The following RUFY2 variants were observed in gnomAD, a reference collection of about 807,000 sequenced individuals.
RUFY2 encodes RUN and FYVE domain containing 2, also known as RUN and FYVE domain-containing protein 2.
RUFY2 carries 49 observed loss-of-function variants against 94.4 expected under a neutral mutation model. The ratio of observed to expected loss-of-function variants is 0.52; its 90% CI spans 0.41 to 0.66. The LOEUF is 0.66. RUFY2 is among the 30% of genes least tolerant of loss of function. RUFY2 has a pLI of 0.00. For missense variants in RUFY2, 541 were observed against 692.8 expected (o/e 0.78, Z 2.46); for synonymous variants, 255 against 235.7 (o/e 1.08, Z -0.75).
At chr10:68,352,885 A>G (rs2046783247) in intron 16 of RUFY2, among the ~76,000 whole-genome samples, 1 of 151,732 alleles carries the variant, frequency 6.6e-6, no homozygotes, top group East Asian at 1.9e-4. Flanking sequence ...GTGCCACTAC[A>G]CTTCAGCCTG....
In RUFY2 at chr10:68,365,771, T is replaced by A. The variant is rs76356711; in HGVS notation, c.1326-1658A>T. On this transcript the variant is annotated intron_variant, in intron 13 of 17. Transcript: ENST00000602465. ...ATGATAAAACTGGTTTCATTTAGCA[T>A]CATTTCACTCAGTCAGAGTTTCCAA... 2.1e-3 allele frequency among the ~76,000 whole-genome samples: 322 copies of A among 151,922 alleles called. 3 individuals are homozygous for A. The highest frequency in any genetic ancestry group is 7.1e-3 in the African/African-American group (295 of 41,542).
intron 15 of RUFY2, among the ~76,000 whole-genome samples, chr10:68,358,753 A>G (rs1338421528): frequency 6.6e-6 from 1 of 152,000 alleles, no homozygotes; most frequent in Non-Finnish European, 1.5e-5. Flanking sequence ...TCTACTAAAA[A>G]TACAAAAATT....
chr10:68,363,839 T>C, intron 14 of RUFY2, 145 bp downstream of exon 14: 1 of 837,880 alleles, frequency 1.2e-6, no homozygotes, highest in East Asian at 2.7e-5. Context: ...GTATCAACTA[T>C]TTTCCATTTA....
downstream of RUFY2, chr10:68,341,664 C>T (rs572280780): frequency 1.7e-5 from 28 of 1,612,390 alleles, no homozygotes; most frequent in East Asian, 2.5e-4. Context: ...TGGGAGGCTA[C>T]GGAAGAGATG....
chr10:68,406,797 G>A (rs1229093619), intron 1 of RUFY2: 1 of 1,612,434 alleles, frequency 6.2e-7, no homozygotes, highest in Admixed American at 1.7e-5. Context: ...CGCCCTCGGC[G>A]TCAGGCACCC....
intron 8 of RUFY2, among the ~76,000 whole-genome samples, chr10:68,385,605 A>AT (rs928275275): frequency 8.6e-5 from 13 of 151,206 alleles, no homozygotes; most frequent in Middle Eastern, 3.4e-3. Context: ...TTTAATGTGT[A>AT]TTTTTTTTTG....
chr10:68,388,492 T>C (rs2049701453), intron 7 of RUFY2, among the ~76,000 whole-genome samples: 1 of 151,968 alleles, frequency 6.6e-6, no homozygotes, highest in Non-Finnish European at 1.5e-5. Context: ...TTTCTATATG[T>C]TTTCTATATT....
intron 13 of RUFY2, among the ~76,000 whole-genome samples, chr10:68,374,442 C>T (rs1006496470): frequency 5.9e-5 from 9 of 151,872 alleles, no homozygotes; most frequent in Non-Finnish European, 1.0e-4. Context: ...CATATAATGA[C>T]AAAAGGGTCA....
intron 12 of RUFY2, chr10:68,379,105 T>C: frequency 3.5e-6 from 1 of 284,290 alleles, no homozygotes; most frequent in Non-Finnish European, 6.5e-6. Flanking sequence ...AGGGATAATC[T>C]CACTCTGTTT....
At chr10:68,372,779 T>C (rs2048368010) in intron 13 of RUFY2, among the ~76,000 whole-genome samples, 1 of 151,734 alleles carries the variant, frequency 6.6e-6, no homozygotes, top group Admixed American at 6.6e-5. Flanking sequence ...TATGGTGACA[T>C]GCACCTGTAG....
intron 6 of RUFY2, chr10:68,393,833 G>T: frequency 1.5e-6 from 1 of 648,386 alleles, no homozygotes; most frequent in Non-Finnish European, 2.2e-6. Context: ...ATTAAAATGG[G>T]TCTCAGTAAC....
intron 6 of RUFY2, 65 bp downstream of exon 6, chr10:68,394,009 CT>C: frequency 6.9e-7 from 1 of 1,459,066 alleles, no homozygotes; most frequent in Non-Finnish European, 9.1e-7. Context: ...ATAGATGGAT[CT>C]TATAATGATT....
At chr10:68,394,573 G>A in intron 4 of RUFY2, 122 bp from the exon 5 acceptor site, 1 of 600,460 alleles carries the variant, frequency 1.7e-6, no homozygotes. Flanking sequence ...TCAGTTAGGT[G>A]CCTTCAAATT....
intron 16 of RUFY2, among the ~76,000 whole-genome samples, chr10:68,347,002 C>A (rs574121247): frequency 6.6e-6 from 1 of 151,986 alleles, no homozygotes; most frequent in Non-Finnish European, 1.5e-5. Context: ...GCCCATAGTC[C>A]CAGCTACTCT....
chr10:68,379,369 A>G (rs2048872566), intron 12 of RUFY2, 55 bp downstream of exon 12: 2 of 1,309,364 alleles, frequency 1.5e-6, no homozygotes, highest in African/African-American at 1.5e-5. Flanking sequence ...GGAACTGAAT[A>G]AAGAAAAAGG....
At chr10:68,380,750 T>G (rs1427344872) in intron 11 of RUFY2, among the ~76,000 whole-genome samples, 1 of 151,844 alleles carries the variant, frequency 6.6e-6, no homozygotes, top group African/African-American at 2.4e-5. Flanking sequence ...TAGTCCCAAC[T>G]ACTAGGGAGG....
At chr10:68,399,921 A>G (rs2050685327) in intron 3 of RUFY2, among the ~76,000 whole-genome samples, 1 of 151,958 alleles carries the variant, frequency 6.6e-6, no homozygotes, top group African/African-American at 2.4e-5. Flanking sequence ...AGCTGGGATT[A>G]CAGGCATGTG....
chr10:68,383,789 A>G lies in RUFY2; in HGVS notation c.939+9T>C, dbSNP rs747292061. The stretch of plus-strand genomic sequence containing the variant: ...TGATCTTGCTAATGTAATTTTTAAT[A>G]TAACCTACCTGTCGTAACTGAGATT... On this transcript the variant is annotated intron_variant, in intron 10 of 17. Transcript: ENST00000602465. The G allele has an allele frequency of 8.9e-6, 14 of 1,565,696 alleles. No individual in the cohort carries two copies. Among genetic ancestry groups the G allele is most frequent in the Non-Finnish European group, 1.1e-5 (13 of 1,136,826 alleles).
rs1234671108 is a variant in RUFY2 at position 68,404,856 on chromosome 10, A to T, written c.5-12T>A. On this transcript the variant is annotated splice_polypyrimidine_tract_variant and intron_variant, in intron 1 of 17. Coordinates refer to ENST00000602465, the MANE Select transcript of RUFY2 (RefSeq NM_001330103.2). ...GGGGTCTTTTGTAGCTGAAAACACA[A>T]GAAAGGAATCCAACATCATTTGTAA... The T allele has an allele frequency of 1.3e-6, 2 of 1,532,438 alleles. No individual in the cohort carries two copies. Among genetic ancestry groups the T allele is most frequent in the African/African-American group, 1.4e-5 (1 of 71,438 alleles). The allele number at this position is 1,532,438 out of a possible 1,614,324, so 94.9% of individuals were successfully genotyped here. A position where few individuals can be genotyped will look rare whatever the true frequency, so the allele number is the denominator to read the frequency against.
Sources: gnomAD v4.1 joint callset for allele counts (sites outside exome capture counted in the v4.1 genomes callset) on GRCh38, gnomAD v4.1.1 for gene constraint, MANE v1.5 for transcripts, NCBI Gene and HGNC (gene_info 2026-07-23, HGNC 2026-07-21) for gene names.